Variants in SLIT2 observed in about 807,000 individuals in gnomAD.
SLIT2 encodes the protein slit homolog 2 protein.
SLIT2 carries 41 observed loss-of-function variants against 185.7 expected under a neutral mutation model. That is an observed-to-expected ratio of 0.22 (90% confidence interval 0.17 to 0.29). The LOEUF is 0.29. Ranked by LOEUF, SLIT2 falls within the 10% of genes least tolerant of loss-of-function variation. The pLI is 1.00. For missense variants in SLIT2, 1,571 were observed against 1,909.0 expected, an observed-to-expected ratio of 0.82 and a Z score of 3.30; for synonymous variants, 693 against 680.2, an observed-to-expected ratio of 1.02 and a Z score of -0.29.
At chr4:20,545,775 T>C (rs1250473720) in intron 21 of SLIT2, among the ~76,000 whole-genome samples, 3 of 151,884 alleles carry the variant, frequency 2.0e-5, no homozygotes, top group African/African-American at 7.3e-5. Flanking sequence ...TGAATGAATC[T>C]CCTTGCTTGC....
In SLIT2 at chr4:20,620,339, A is replaced by T. The variant is rs550151826; in HGVS notation, c.*1330A>T. On this transcript the variant is annotated 3_prime_UTR_variant, in exon 37 of 37. Coordinates refer to ENST00000504154, the MANE Select transcript of SLIT2 (RefSeq NM_004787.4). ...CTCCCATGTTAACATGTTTGCTGCT[A>T]AATTACAATGTAGAATTGATAATGG... 5.8e-4 allele frequency: 249 copies of T among 426,304 alleles called. No individual in the cohort carries two copies. The highest frequency in any genetic ancestry group is 1.2e-3 in the Admixed American group (40 of 33,658). 26.4% of individuals were successfully genotyped at this position (426,304 alleles called of 1,614,324 possible).
chr4:20,393,300 C>T (rs139153465), intron 4 of SLIT2: 2 of 152,128 alleles, frequency 1.3e-5, no homozygotes, highest in East Asian at 3.9e-4. Flanking sequence ...GCCTATGAAG[C>T]AGCAAATAGA....
At chr4:20,329,522 G>A (rs1719888735) in intron 4 of SLIT2, among the ~76,000 whole-genome samples, 2 of 152,010 alleles carry the variant, frequency 1.3e-5, no homozygotes, top group Admixed American at 6.6e-5. Flanking sequence ...TCTTCACAAA[G>A]AAGGTAGCAT....
intron 4 of SLIT2, among the ~76,000 whole-genome samples, chr4:20,305,085 T>TTTGCTGAATGTAA (rs367624244): frequency 3.2e-4 from 49 of 152,172 alleles, no homozygotes; most frequent in African/African-American, 1.0e-3. Flanking sequence ...TTCGAAAATG[T>TTTGCTGAATGTAA]TTGCTGAATG....
intron 4 of SLIT2, among the ~76,000 whole-genome samples, chr4:20,362,691 AG>A (rs1320974072): frequency 1.2e-4 from 18 of 152,016 alleles, no homozygotes; most frequent in Non-Finnish European, 2.2e-4. Flanking sequence ...TTAAAAAGTA[AG>A]GTTTTTATAT....
intron 4 of SLIT2, among the ~76,000 whole-genome samples, chr4:20,463,450 T>TAG (rs1440893392): frequency 0.015 from 303 of 20,302 alleles, 3 homozygotes; most frequent in East Asian, 0.14. Flanking sequence ...CAAACTGTGA[T>TAG]ATATATATAT....
At chr4:20,286,965 C>G (rs553865358) in intron 4 of SLIT2, among the ~76,000 whole-genome samples, 1 of 152,228 alleles carries the variant, frequency 6.6e-6, no homozygotes, top group Admixed American at 6.5e-5. Flanking sequence ...ATAACTGAAG[C>G]CTAAAGTGGT....
chr4:20,274,826 T>TA (rs1350902766), intron 4 of SLIT2, among the ~76,000 whole-genome samples: 1 of 152,036 alleles, frequency 6.6e-6, no homozygotes, highest in Non-Finnish European at 1.5e-5. Context: ...AACAAGTACT[T>TA]ATGGACTGCC....
intron 34 of SLIT2, among the ~76,000 whole-genome samples, chr4:20,614,079 G>T (rs961416944): frequency 6.6e-6 from 1 of 152,012 alleles, no homozygotes; most frequent in Non-Finnish European, 1.5e-5. Context: ...CATCATGTTT[G>T]GCAGGCTGGT....
chr4:20,270,016 C>G (rs986502097), intron 4 of SLIT2, among the ~76,000 whole-genome samples: 1 of 151,850 alleles, frequency 6.6e-6, no homozygotes, highest in Non-Finnish European at 1.5e-5. Flanking sequence ...TGACATTTTT[C>G]TCTTCTTTTT....
chr4:20,335,847 A>G (rs1190804296), intron 4 of SLIT2, among the ~76,000 whole-genome samples: 1 of 152,198 alleles, frequency 6.6e-6, no homozygotes, highest in East Asian at 1.9e-4. Flanking sequence ...ATAATATACA[A>G]TTAATAATAA....
intron 4 of SLIT2, among the ~76,000 whole-genome samples, chr4:20,301,082 A>G (rs1158718143): frequency 1.3e-5 from 2 of 152,170 alleles, no homozygotes; most frequent in Admixed American, 6.5e-5. Flanking sequence ...GCTCTCTTGA[A>G]CAGTGTATCT....
At chr4:20,569,067 C>A in intron 29 of SLIT2, 63 bp downstream of exon 29, 2 of 1,341,084 alleles carry the variant, frequency 1.5e-6, no homozygotes, top group Non-Finnish European at 1.1e-6. Context: ...ATCATTGGAA[C>A]TATGTTATAT....
intron 26 of SLIT2, among the ~76,000 whole-genome samples, chr4:20,560,988 G>A (rs953041666): frequency 4.0e-5 from 6 of 151,816 alleles, no homozygotes; most frequent in Admixed American, 1.3e-4. Context: ...TGGAAGTCTG[G>A]TGATAGAAAT....
intron 4 of SLIT2, among the ~76,000 whole-genome samples, chr4:20,458,233 T>G (rs1713308683): frequency 6.6e-6 from 1 of 152,140 alleles, no homozygotes; most frequent in Non-Finnish European, 1.5e-5. Context: ...TATAAAATAG[T>G]GGACTTTCTT....
chr4:20,415,801 T>G (rs1727625215), intron 4 of SLIT2, among the ~76,000 whole-genome samples: 2 of 152,204 alleles, frequency 1.3e-5, no homozygotes, highest in Admixed American at 1.3e-4. Context: ...ATTTTATAGA[T>G]GAGGAAACTG....
chr4:20,585,596 A>G (rs1560216376), intron 29 of SLIT2, among the ~76,000 whole-genome samples: 1 of 152,216 alleles, frequency 6.6e-6, no homozygotes, highest in Admixed American at 6.5e-5. Context: ...CATTGCCCCA[A>G]ACCACTCCAA....
intron 4 of SLIT2, among the ~76,000 whole-genome samples, chr4:20,372,184 G>A (rs1038377911): frequency 4.6e-5 from 7 of 152,054 alleles, no homozygotes; most frequent in African/African-American, 1.7e-4. Context: ...TAATTCTTCA[G>A]ACCAGTCTTA....
At chr4:20,549,327 C>G (rs1446102853) in intron 24 of SLIT2, among the ~76,000 whole-genome samples, 199 bp downstream of exon 24, 1 of 151,938 alleles carries the variant, frequency 6.6e-6, no homozygotes, top group African/African-American at 2.4e-5. Flanking sequence ...ATATAACTTC[C>G]TTTTTAGTAA....
Sources: allele counts gnomAD v4.1 joint callset (sites outside exome capture counted in the v4.1 genomes callset), GRCh38; gene constraint gnomAD v4.1.1; transcripts MANE v1.5; gene names NCBI Gene and HGNC (gene_info 2026-07-23, HGNC 2026-07-21).